ENTREP2: variants seen among roughly 807,000 people sequenced by gnomAD.
The protein encoded by ENTREP2 is protein ENTREP2.
At chr15:29,123,744 T>G in the ENTREP2 span, 21 of 1,342,502 alleles carry the variant, frequency 1.6e-5, no homozygotes, top group African/African-American at 3.1e-4. Flanking sequence ...GGGAGGAGCC[T>G]CCTGCTGGGG....
At chr15:29,379,864 C>A in the ENTREP2 span, among the ~76,000 whole-genome samples, 3 of 152,142 alleles carry the variant, frequency 2.0e-5, no homozygotes, top group African/African-American at 7.2e-5. Context: ...CGGAAGGCGG[C>A]TTTTCCTTTG....
the ENTREP2 span, among the ~76,000 whole-genome samples, chr15:29,590,607 C>T: frequency 3.4e-5 from 5 of 145,034 alleles, no homozygotes; most frequent in Admixed American, 7.2e-5. Flanking sequence ...TTGCTTGAAC[C>T]CAGGAAGCAG....
chr15:29,479,576 G>T, the ENTREP2 span, among the ~76,000 whole-genome samples: 2 of 151,824 alleles, frequency 1.3e-5, no homozygotes, highest in African/African-American at 4.8e-5. Flanking sequence ...ACCCCTAAGG[G>T]CTACTGTGAA....
chr15:29,305,063 G>A, the ENTREP2 span, among the ~76,000 whole-genome samples: 2 of 152,170 alleles, frequency 1.3e-5, no homozygotes, highest in Non-Finnish European at 2.9e-5. Context: ...TAGGATGTGA[G>A]CTCCATGAGG....
chr15:29,458,121 G>A, the ENTREP2 span, among the ~76,000 whole-genome samples: 1 of 152,182 alleles, frequency 6.6e-6, no homozygotes, highest in East Asian at 1.9e-4. Context: ...AGGATAGCTA[G>A]CATGTCGGTC....
At chr15:29,474,862 C>A in the ENTREP2 span, among the ~76,000 whole-genome samples, 1 of 152,114 alleles carries the variant, frequency 6.6e-6, no homozygotes, top group African/African-American at 2.4e-5. Context: ...CGGCCAAGGT[C>A]ATTTCTTCGG....
the ENTREP2 span, among the ~76,000 whole-genome samples, chr15:29,154,641 G>A: frequency 1.3e-5 from 2 of 152,222 alleles, no homozygotes; most frequent in African/African-American, 2.4e-5. Context: ...TGCTCAAGAG[G>A]AGACGGGGAA....
chr15:29,623,846 C>T, the ENTREP2 span, among the ~76,000 whole-genome samples: 1 of 152,172 alleles, frequency 6.6e-6, no homozygotes, highest in African/African-American at 2.4e-5. Flanking sequence ...AGTGATTCTC[C>T]TGCCTCAGCC....
chr15:29,248,029 T>C, the ENTREP2 span, among the ~76,000 whole-genome samples: 2 of 152,224 alleles, frequency 1.3e-5, no homozygotes, highest in African/African-American at 2.4e-5. Flanking sequence ...GATGATTCAA[T>C]AGGCCCCACT....
At chr15:29,436,416 A>G in the ENTREP2 span, among the ~76,000 whole-genome samples, 1 of 152,350 alleles carries the variant, frequency 6.6e-6, no homozygotes, top group Non-Finnish European at 1.5e-5. Flanking sequence ...TTAAACTTTA[A>G]GAGAACTTTT....
At chr15:29,431,852 G>A in the ENTREP2 span, among the ~76,000 whole-genome samples, 1 of 152,202 alleles carries the variant, frequency 6.6e-6, no homozygotes, top group East Asian at 1.9e-4. Flanking sequence ...CTCCAGGTCT[G>A]AGAACCCTCA....
chr15:29,413,641 G>A, the ENTREP2 span, among the ~76,000 whole-genome samples: 1 of 152,032 alleles, frequency 6.6e-6, no homozygotes, highest in Non-Finnish European at 1.5e-5. Context: ...CCCTACATAC[G>A]TACGGTATTT....
the ENTREP2 span, among the ~76,000 whole-genome samples, chr15:29,148,677 C>T: frequency 1.9e-4 from 29 of 152,256 alleles, no homozygotes; most frequent in Middle Eastern, 6.8e-3. Flanking sequence ...ACTGTACATA[C>T]ATGGACTGAC....
the ENTREP2 span, chr15:29,126,292 G>A: frequency 1.4e-4 from 205 of 1,486,172 alleles, no homozygotes; most frequent in African/African-American, 2.7e-3. Context: ...TGCACAAGGT[G>A]GGGTCGCTGG....
chr15:29,587,604 C>G, the ENTREP2 span, among the ~76,000 whole-genome samples: 2 of 152,168 alleles, frequency 1.3e-5, no homozygotes, highest in Non-Finnish European at 2.9e-5. Context: ...AAACAATTAT[C>G]TTGCCTTCCT....
the ENTREP2 span, among the ~76,000 whole-genome samples, chr15:29,619,031 C>A: frequency 6.6e-6 from 1 of 152,206 alleles, no homozygotes; most frequent in Non-Finnish European, 1.5e-5. Flanking sequence ...CCGGCAGGGG[C>A]CCATTTGAGT....
the ENTREP2 span, among the ~76,000 whole-genome samples, chr15:29,534,462 GA>G: frequency 6.6e-6 from 1 of 151,898 alleles, no homozygotes; most frequent in Non-Finnish European, 1.5e-5. Flanking sequence ...ATTTCACCAT[GA>G]AAAAAAGGGT....
At chr15:29,498,657 A>G in the ENTREP2 span, among the ~76,000 whole-genome samples, 201 of 152,014 alleles carry the variant, frequency 1.3e-3, no homozygotes, top group African/African-American at 4.8e-3. Context: ...ATTTCTGTAT[A>G]TATCTGTTAG....
chr15:29,284,549 T>C, the ENTREP2 span, among the ~76,000 whole-genome samples: 5 of 106,024 alleles, frequency 4.7e-5, no homozygotes, highest in African/African-American at 1.7e-4. Context: ...AGAGAGAGAC[T>C]CCATCTCAAA....
Sources: allele counts gnomAD v4.1 joint callset (sites outside exome capture counted in the v4.1 genomes callset), GRCh38; gene constraint gnomAD v4.1.1; transcripts MANE v1.5; gene names NCBI Gene and HGNC (gene_info 2026-07-23, HGNC 2026-07-21).